ABHD13: variants seen among roughly 807,000 people sequenced by gnomAD.
ABHD13 encodes the protein abhydrolase domain containing 13.
A neutral mutation model predicts 25.2 loss-of-function variants in ABHD13; 7 were observed. The observed-to-expected ratio is 0.28, with a 90% CI of 0.16 to 0.52. ABHD13 has a LOEUF of 0.52. Among genes scored for constraint, ABHD13 ranks in the 20% least tolerant of loss-of-function variants. The probability of loss-of-function intolerance (pLI) is 0.96; values close to 1 mark genes in which losing one functional copy is unlikely to be tolerated. For missense variants in ABHD13, 302 were observed against 402.7 expected (o/e 0.75, Z 2.14); for synonymous variants, 133 against 136.1 (o/e 0.98, Z 0.16).
chr13:108,219,948 T>C (rs993603429), intron 1 of ABHD13, among the ~76,000 whole-genome samples: 15 of 152,220 alleles, frequency 9.9e-5, no homozygotes, highest in African/African-American at 3.4e-4. Flanking sequence ...GATCTAGGAC[T>C]AATAGGGCTT....
intron 1 of ABHD13, among the ~76,000 whole-genome samples, chr13:108,222,249 A>G (rs770378144): frequency 4.6e-5 from 7 of 152,212 alleles, no homozygotes; most frequent in Non-Finnish European, 1.0e-4. Context: ...TATCTATGAT[A>G]CAATAGATTT....
In ABHD13 at chr13:108,229,538, C is replaced by T. The variant is rs770850657; in HGVS notation, c.320C>T (p.Thr107Ile). ...CTGAATCTTATTTTGATACGATACA[C>T]TGGAGACAATTCACCCTATTCCCCA... Reference protein sequence around the residue: ...IRLNLILIRYTGDNSPYSPTI... With the variant: ...IRLNLILIRYIGDNSPYSPTI... The change falls in exon 2 of 2, where the codon ACT (threonine) becomes ATT (isoleucine). Residue 107 changes from threonine (T) to isoleucine (I), a missense_variant. Physicochemically the swap from Thr to Ile is moderately conservative, Grantham distance 89. Coordinates refer to ENST00000375898, the MANE Select transcript of ABHD13 (RefSeq NM_032859.3). The surrounding 1 kb of genome is among the most constrained non-coding windows in gnomAD (Gnocchi z 4.7). 16 of 1,613,282 alleles carry T rather than the reference C, an allele frequency of 9.9e-6. No homozygotes were observed. In the East Asian group the frequency reaches 2.2e-4, roughly 22 times the overall value.
At chr13:108,223,886 T>G (rs1359988537) in intron 1 of ABHD13, among the ~76,000 whole-genome samples, 1 of 152,210 alleles carries the variant, frequency 6.6e-6, no homozygotes, top group African/African-American at 2.4e-5. Context: ...AAGTATTTAT[T>G]TAGATTATGC....
chr13:108,222,478 C>G (rs1391445302), intron 1 of ABHD13, among the ~76,000 whole-genome samples: 1 of 151,982 alleles, frequency 6.6e-6, no homozygotes, highest in Non-Finnish European at 1.5e-5. Flanking sequence ...GAAGGCAAGT[C>G]TCTGGGGCAT....
At chr13:108,223,907 C>A (rs543492744) in intron 1 of ABHD13, among the ~76,000 whole-genome samples, 1 of 152,246 alleles carries the variant, frequency 6.6e-6, no homozygotes, top group South Asian at 2.1e-4. Flanking sequence ...TGAATACTTG[C>A]AGTTTCTGTG....
intron 1 of ABHD13, among the ~76,000 whole-genome samples, chr13:108,226,860 C>CT (rs1879685121): frequency 1.3e-5 from 2 of 152,066 alleles, no homozygotes; most frequent in Non-Finnish European, 2.9e-5. Flanking sequence ...ATCATACAGA[C>CT]TAGGGAACAG....
intron 1 of ABHD13, among the ~76,000 whole-genome samples, chr13:108,224,227 C>G (rs753267401): frequency 3.9e-5 from 6 of 152,168 alleles, no homozygotes; most frequent in Non-Finnish European, 8.8e-5. Context: ...TTATTTATAT[C>G]CATATCTGTC....
intron 1 of ABHD13, among the ~76,000 whole-genome samples, chr13:108,221,166 T>G (rs1158760850): frequency 1.3e-5 from 2 of 152,256 alleles, no homozygotes; most frequent in Non-Finnish European, 2.9e-5. Flanking sequence ...ATCCAGTTAT[T>G]ATCCAGCATC....
At position 108,230,018 on chromosome 13, in the gene ABHD13, C is replaced by G; in HGVS notation, c.800C>G (p.Ser267Ter). ...CCTTCACTTTTCATCTCTGGACTCT[C>G]AGATCAATTAATTCCACCAGTAATG... ...RMPSLFISGL[S>*]DQLIPPVMMK... Residue 267 changes from serine (S) to a stop codon, truncating the protein, a stop_gained, in exon 2 of 2, where the codon TCA becomes TGA. Coordinates refer to ENST00000375898, the MANE Select transcript of ABHD13 (RefSeq NM_032859.3). LOFTEE classifies it high-confidence loss of function. 1 of 1,613,196 alleles carries G rather than the reference C, an allele frequency of 6.2e-7. No homozygotes were observed. The highest frequency in any genetic ancestry group is 8.5e-7 in the Non-Finnish European group (1 of 1,179,378).
rs896766862 is a variant in ABHD13 at position 108,229,696 on chromosome 13, G to A, written c.478G>A (p.Ala160Thr). The change falls in exon 2 of 2, where the codon GCA becomes ACA. Residue 160 changes from alanine to threonine, a missense_variant. By Grantham distance (58) the Ala-to-Thr change is moderately conservative (BLOSUM62 0). Coordinates refer to ENST00000375898, the MANE Select transcript of ABHD13 (RefSeq NM_032859.3). This position sits in a 1 kb window ranked among gnomAD's most constrained non-coding sequence, Gnocchi z 4.7. ...YRGYGKSEGEASEEGLYLDSE... is the reference protein window; with the variant it reads ...YRGYGKSEGETSEEGLYLDSE... ...AGGATATGGAAAAAGTGAAGGAGAA[G>A]CAAGTGAAGAAGGACTCTACTTAGA... The A allele has an allele frequency of 1.2e-6, 2 of 1,613,326 alleles. No homozygotes were observed. The highest frequency in any genetic ancestry group is 1.7e-6 in the Non-Finnish European group (2 of 1,179,548).
At chr13:108,228,156 A>T (rs953102530) in intron 1 of ABHD13, among the ~76,000 whole-genome samples, 2 of 152,044 alleles carry the variant, frequency 1.3e-5, no homozygotes, top group African/African-American at 4.8e-5. Flanking sequence ...TTAAGACAAC[A>T]TGTATAAACC....
rs1427302272 is a variant in ABHD13 at position 108,233,123 on chromosome 13, G to C, written c.*2891G>C. ...ATGGTGTTCTGAATTTTGCTACAGG[G>C]CTGCTTAAATTTATGATTACCTGTA... On this transcript the variant is annotated 3_prime_UTR_variant, in exon 2 of 2. Coordinates refer to ENST00000375898, the MANE Select transcript of ABHD13 (RefSeq NM_032859.3). The C allele has an allele frequency of 6.0e-6, 1 of 166,628 alleles. No individual in the cohort carries two copies. Among genetic ancestry groups the C allele is most frequent in the African/African-American group, 2.4e-5 (1 of 41,376 alleles). 10.3% of individuals were successfully genotyped at this position (166,628 alleles called of 1,614,324 possible).
intron 1 of ABHD13, among the ~76,000 whole-genome samples, chr13:108,221,370 A>G (rs1879564618): frequency 6.6e-6 from 1 of 152,208 alleles, no homozygotes; most frequent in African/African-American, 2.4e-5. Context: ...AATGCTTAAC[A>G]GAAGAGGAGA....
At chr13:108,219,307 T>C (rs1356893002) in intron 1 of ABHD13, among the ~76,000 whole-genome samples, 1 of 152,132 alleles carries the variant, frequency 6.6e-6, no homozygotes, top group African/African-American at 2.4e-5. Context: ...GAATTACTAG[T>C]ATTACTACCC....
rs1043297886 is a variant in ABHD13 at position 108,218,414 on chromosome 13, C to T, written c.-266C>T. The stretch of plus-strand genomic sequence containing the variant: ...GGAAGAGCGGGCAGGGTTCCCACTC[C>T]GGGAGCGGAGACGGAGAACAGGTTA... On this transcript the variant is annotated 5_prime_UTR_variant, in exon 1 of 2. Coordinates refer to ENST00000375898, the MANE Select transcript of ABHD13 (RefSeq NM_032859.3). 2.0e-5 allele frequency: 3 copies of T among 152,120 alleles called. No homozygotes were observed. Among genetic ancestry groups the T allele is most frequent in the Non-Finnish European group, 2.9e-5 (2 of 68,032 alleles). The allele number at this position is 152,120 out of a possible 1,614,324, so 9.4% of individuals were successfully genotyped here. A position where few individuals can be genotyped will look rare whatever the true frequency, so the allele number is the denominator to read the frequency against.
rs1000844459 is a variant in ABHD13 at position 108,232,467 on chromosome 13, C to A, written c.*2235C>A. 1 of 166,814 alleles carries A rather than the reference C, an allele frequency of 6.0e-6. No homozygotes were observed. Among genetic ancestry groups the A allele is most frequent in the Non-Finnish European group, 1.5e-5 (1 of 67,992 alleles). 10.3% of individuals were successfully genotyped at this position (166,814 alleles called of 1,614,324 possible). ...AAGAGGTGGAAAACAAACTTAGTAT[C>A]AGGGGTCCATGAAGCCCATGGCATC... On this transcript the variant is annotated 3_prime_UTR_variant, in exon 2 of 2. Coordinates refer to ENST00000375898, the MANE Select transcript of ABHD13 (RefSeq NM_032859.3).
chr13:108,228,767 G>A (rs1040615929), intron 1 of ABHD13, among the ~76,000 whole-genome samples: 1 of 151,626 alleles, frequency 6.6e-6, no homozygotes, highest in Non-Finnish European at 1.5e-5. Flanking sequence ...AACAGCAGAT[G>A]TACCACAATC....
At position 108,229,537 on chromosome 13, in the gene ABHD13, A is replaced by G; in HGVS notation, c.319A>G (p.Thr107Ala). ...TCTGAATCTTATTTTGATACGATAC[A>G]CTGGAGACAATTCACCCTATTCCCC... The part of the protein sequence containing the change: ...IRLNLILIRY[T>A]GDNSPYSPTI... Residue 107 changes from threonine (T) to alanine (A), a missense_variant, in exon 2 of 2, where the codon ACT becomes GCT. By Grantham distance (58) the Thr-to-Ala change is moderately conservative. Coordinates refer to ENST00000375898, the MANE Select transcript of ABHD13 (RefSeq NM_032859.3). This position sits in a 1 kb window ranked among gnomAD's most constrained non-coding sequence, Gnocchi z 4.7. 2 of 1,613,428 alleles carry G rather than the reference A, an allele frequency of 1.2e-6. No individual in the cohort carries two copies. The highest frequency in any genetic ancestry group is 1.1e-5 in the South Asian group (1 of 91,058).
At chr13:108,222,640 A>T (rs1244272306) in intron 1 of ABHD13, among the ~76,000 whole-genome samples, 1 of 152,130 alleles carries the variant, frequency 6.6e-6, no homozygotes, top group African/African-American at 2.4e-5. Context: ...AGAAATTAAA[A>T]CTGGAAGTTT....
Sources: allele counts gnomAD v4.1 joint callset (sites outside exome capture counted in the v4.1 genomes callset), GRCh38; gene constraint gnomAD v4.1.1; non-coding constraint Gnocchi (gnomAD v3.1); transcripts MANE v1.5; gene names NCBI Gene and HGNC (gene_info 2026-07-23, HGNC 2026-07-21).